The following AVEN variants were observed in gnomAD, a reference collection of about 807,000 sequenced individuals.
The protein encoded by AVEN is apoptosis and caspase activation inhibitor.
A neutral mutation model predicts 38.1 loss-of-function variants in AVEN; 41 were observed. The observed-to-expected ratio is 1.08, with a 90% CI of 0.84 to 1.40. The LOEUF (loss-of-function observed/expected upper bound fraction) is 1.40, where lower values mean the gene tolerates loss of function less well. Ranked by LOEUF, AVEN falls within the 40% of genes most tolerant of loss-of-function variation. The pLI, the probability that AVEN is intolerant of heterozygous loss-of-function variation, is 0.00. For missense variants in AVEN, 605 were observed against 438.8 expected (o/e 1.38, Z -3.38); for synonymous variants, 206 against 171.8 (o/e 1.20, Z -1.56).
chr15:34,002,966 A>T (rs1051515399), intron 2 of AVEN, 66 bp downstream of exon 2: 29 of 1,354,404 alleles, frequency 2.1e-5, no homozygotes, highest in Admixed American at 9.5e-5. Flanking sequence ...GAATTTAAAA[A>T]CATATATAAA....
At chr15:33,953,777 A>G (rs1398648045) in intron 2 of AVEN, among the ~76,000 whole-genome samples, 1 of 152,240 alleles carries the variant, frequency 6.6e-6, no homozygotes, top group African/African-American at 2.4e-5. Flanking sequence ...ACAAAAGCCA[A>G]AACAGACAAA....
intron 2 of AVEN, among the ~76,000 whole-genome samples, chr15:34,000,701 G>A (rs1897105480): frequency 6.6e-6 from 1 of 152,108 alleles, no homozygotes. Context: ...AACCAATATA[G>A]CACCAAAACA....
chr15:34,016,583 A>C (rs1345103905), intron 1 of AVEN, among the ~76,000 whole-genome samples: 1 of 152,212 alleles, frequency 6.6e-6, no homozygotes, highest in Non-Finnish European at 1.5e-5. Flanking sequence ...TCTTTAAAAA[A>C]TATTACCAAC....
intron 2 of AVEN, among the ~76,000 whole-genome samples, chr15:33,944,626 G>T (rs1249189540): frequency 6.6e-6 from 1 of 152,118 alleles, no homozygotes; most frequent in Non-Finnish European, 1.5e-5. Context: ...TGGCTAACAT[G>T]GTGAAACCCC....
intron 2 of AVEN, among the ~76,000 whole-genome samples, chr15:33,995,299 A>G (rs1319246698): frequency 6.6e-6 from 1 of 152,208 alleles, no homozygotes; most frequent in Non-Finnish European, 1.5e-5. Flanking sequence ...TTATTTTAAA[A>G]TAACAATACA....
chr15:33,925,282 A>C (rs183640447), intron 2 of AVEN, among the ~76,000 whole-genome samples: 1 of 152,336 alleles, frequency 6.6e-6, no homozygotes, highest in East Asian at 1.9e-4. Flanking sequence ...TGTTAGCATT[A>C]GATGGGGAGA....
intron 2 of AVEN, among the ~76,000 whole-genome samples, chr15:33,954,552 A>T (rs1894885775): frequency 6.6e-6 from 1 of 151,618 alleles, no homozygotes; most frequent in Non-Finnish European, 1.5e-5. Flanking sequence ...TATCACAAGG[A>T]CAGAAAACCA....
chr15:33,875,883 T>C (rs372196341), intron 3 of AVEN, 42 bp downstream of exon 3: 23 of 1,557,498 alleles, frequency 1.5e-5, no homozygotes, highest in Non-Finnish European at 2.0e-5. Flanking sequence ...CCTTCAGCCT[T>C]GAAGAAGAGC....
At chr15:33,860,559 A>G (rs746584698) in intron 11 of AVEN, 133 of 1,380,748 alleles carry the variant, frequency 9.6e-5, no homozygotes, top group Non-Finnish European at 1.3e-4. Flanking sequence ...CTGAACCACT[A>G]CACAGATTGC....
intron 1 of AVEN, among the ~76,000 whole-genome samples, chr15:34,030,761 C>T (rs897158308): frequency 3.3e-5 from 5 of 152,144 alleles, no homozygotes; most frequent in Middle Eastern, 6.8e-3. Context: ...GGAATACAGG[C>T]GTGCACCACC....
At chr15:33,959,624 G>A (rs926490433) in intron 2 of AVEN, among the ~76,000 whole-genome samples, 1 of 152,162 alleles carries the variant, frequency 6.6e-6, no homozygotes, top group Non-Finnish European at 1.5e-5. Context: ...TTAGGTTCAA[G>A]CACTAAGAAT....
chr15:33,946,846 C>T (rs1894528197), intron 2 of AVEN, among the ~76,000 whole-genome samples: 1 of 152,134 alleles, frequency 6.6e-6, no homozygotes, highest in South Asian at 2.1e-4. Flanking sequence ...AGATGTAGTG[C>T]GGGCTCGGTC....
In AVEN at chr15:33,867,611, A is replaced by G; in HGVS notation, c.857T>C (p.Leu286Pro). 6.2e-7 allele frequency: 1 copy of G among 1,614,218 alleles called. No homozygotes were observed. Among genetic ancestry groups the G allele is most frequent in the African/African-American group, 1.3e-5 (1 of 75,056 alleles). ...TGCATCTAAATTAAGCAACAGATCT[A>G]GTTCTTCTTCCAAATGGTCTCCTGC... ...QSAGDHLEEELDLLLNLDAPI... is the reference protein window; with the variant it reads ...QSAGDHLEEEPDLLLNLDAPI... Residue 286 changes from leucine (L) to proline (P), a missense_variant, in exon 5 of 6, where the codon CTA (leucine) becomes CCA (proline). By Grantham distance (98) the Leu-to-Pro change is moderately conservative. Transcript: ENST00000306730.
chr15:33,996,829 A>G (rs2879446), intron 2 of AVEN, among the ~76,000 whole-genome samples: 31,850 of 152,226 alleles, frequency 0.21, 5,101 homozygotes, highest in African/African-American at 0.45. Context: ...CTCGCTAGCA[A>G]GAGAACAAAG....
At chr15:34,053,501 A>G (rs1278373327) in intron 5 of AVEN, among the ~76,000 whole-genome samples, 1 of 151,750 alleles carries the variant, frequency 6.6e-6, no homozygotes, top group Non-Finnish European at 1.5e-5. Flanking sequence ...ATGGAACAGA[A>G]TAGAGAATTC....
chr15:33,852,988 A>G, the AVEN span: 4 of 1,449,086 alleles, frequency 2.8e-6, no homozygotes, highest in Non-Finnish European at 2.9e-6. Flanking sequence ...ACGTTTCTTG[A>G]TGTGTTTTCC....
chr15:33,960,690 C>A lies in AVEN; in HGVS notation c.445+42342G>T, dbSNP rs576323584. ...ACCTCCCTGACATCTCCAGATTAAA[C>A]TAGCTATTTCCTCCTTCATGTGAGC... On this transcript the variant is annotated intron_variant, in intron 2 of 5. Coordinates refer to ENST00000306730, the MANE Select transcript of AVEN (RefSeq NM_020371.3). Among the ~76,000 whole-genome samples the A allele has an allele frequency of 1.5e-3, 222 of 152,312 alleles. 1 individual carries two copies. The highest frequency in any genetic ancestry group is 5.2e-3 in the African/African-American group (216 of 41,584).
chr15:34,003,516 G>A (rs1897218893), intron 1 of AVEN, among the ~76,000 whole-genome samples: 1 of 152,096 alleles, frequency 6.6e-6, no homozygotes, highest in Admixed American at 6.5e-5. Context: ...AATAATCAAG[G>A]CTGTAAGCAT....
intron 2 of AVEN, among the ~76,000 whole-genome samples, chr15:33,924,797 G>A (rs1376201362): frequency 6.6e-6 from 1 of 152,060 alleles, no homozygotes; most frequent in Non-Finnish European, 1.5e-5. Context: ...TTATTATCAA[G>A]GACCCATAAT....
Sources: allele counts gnomAD v4.1 joint callset (sites outside exome capture counted in the v4.1 genomes callset), GRCh38; gene constraint gnomAD v4.1.1; transcripts MANE v1.5; gene names NCBI Gene and HGNC (gene_info 2026-07-23, HGNC 2026-07-21).